B3GALT1: variants seen among roughly 807,000 people sequenced by gnomAD.
B3GALT1 encodes beta-1,3-galactosyltransferase 1.
A neutral mutation model predicts 23.2 loss-of-function variants in B3GALT1; 10 were observed. The ratio of observed to expected loss-of-function variants is 0.43; its 90% confidence interval spans 0.27 to 0.73. B3GALT1 has a LOEUF of 0.73. Ranked by LOEUF, B3GALT1 falls within the 30% of genes least tolerant of loss-of-function variation. B3GALT1 has a pLI of 0.21. For missense variants in B3GALT1, 299 were observed against 405.4 expected (o/e 0.74, Z 2.25); for synonymous variants, 156 against 141.5 (o/e 1.10, Z -0.73).
At chr2:167,834,723 C>T (rs999293909) in intron 4 of B3GALT1, among the ~76,000 whole-genome samples, 13 of 152,132 alleles carry the variant, frequency 8.5e-5, no homozygotes, top group African/African-American at 3.1e-4. Flanking sequence ...GTGCCACACA[C>T]CCGTAATCCC....
intron 1 of B3GALT1, among the ~76,000 whole-genome samples, chr2:167,324,915 C>T (rs1696868625): frequency 6.6e-6 from 1 of 152,138 alleles, no homozygotes; most frequent in Non-Finnish European, 1.5e-5. Flanking sequence ...TCATTCCACT[C>T]TCCACCTCTA....
At chr2:167,599,366 C>A (rs1436824447) in intron 2 of B3GALT1, among the ~76,000 whole-genome samples, 1 of 151,990 alleles carries the variant, frequency 6.6e-6, no homozygotes, top group Non-Finnish European at 1.5e-5. Context: ...ATGAAGATAA[C>A]AAATCCAAAA....
In B3GALT1 at chr2:167,870,723, T is replaced by C. The variant is rs1221159752; in HGVS notation, c.*703T>C. The C allele has an allele frequency of 6.0e-6, 1 of 166,946 alleles. No individual in the cohort carries two copies. The highest frequency in any genetic ancestry group is 1.5e-5 in the Non-Finnish European group (1 of 68,106). 10.3% of individuals were successfully genotyped at this position (166,946 alleles called of 1,614,324 possible). ...AAGATTTTTTTTTTCTTTTTTTTTC[T>C]TTCTTTTTTGTTTTGCTCTTTCAGA... On this transcript the variant is annotated 3_prime_UTR_variant, in exon 5 of 5. Coordinates refer to ENST00000392690, the MANE Select transcript of B3GALT1 (RefSeq NM_020981.4).
At chr2:167,632,965 A>T (rs957870913) in intron 2 of B3GALT1, among the ~76,000 whole-genome samples, 3 of 151,900 alleles carry the variant, frequency 2.0e-5, no homozygotes, top group African/African-American at 7.3e-5. Context: ...TCTTGAGTTA[A>T]TTTTTGTATA....
chr2:167,748,872 A>C (rs1169874018), intron 3 of B3GALT1, among the ~76,000 whole-genome samples: 1 of 152,194 alleles, frequency 6.6e-6, no homozygotes, highest in Non-Finnish European at 1.5e-5. Flanking sequence ...CTCAATAATA[A>C]GTGATGAGAA....
rs369414454 is a variant in B3GALT1 at position 167,837,028 on chromosome 2, A to C, written c.-230+18235A>C. On this transcript the variant is annotated intron_variant, in intron 4 of 4. Coordinates refer to ENST00000392690, the MANE Select transcript of B3GALT1 (RefSeq NM_020981.4). ...GCCCTAAAAGAGCTCCTGAAGGAAG[A>C]ACTAAACATGGAAAGGAACAACCGG... Among the ~76,000 whole-genome samples, 42 of 152,188 alleles carry C rather than the reference A, an allele frequency of 2.8e-4. 1 individual carries two copies. Among genetic ancestry groups the C allele is most frequent in the East Asian group, 3.9e-4 (2 of 5,176 alleles).
chr2:167,324,895 C>T (rs537897997), intron 1 of B3GALT1, among the ~76,000 whole-genome samples: 1 of 152,240 alleles, frequency 6.6e-6, no homozygotes, highest in African/African-American at 2.4e-5. Flanking sequence ...TTCTCAGCCT[C>T]TGGTATCTCT....
At chr2:167,799,644 T>G (rs1195630862) in intron 3 of B3GALT1, among the ~76,000 whole-genome samples, 1 of 152,230 alleles carries the variant, frequency 6.6e-6, no homozygotes, top group East Asian at 1.9e-4. Context: ...ACAGAGAGTT[T>G]GAACAATTGT....
intron 4 of B3GALT1, among the ~76,000 whole-genome samples, chr2:167,859,893 T>C (rs556052846): frequency 1.3e-5 from 2 of 152,324 alleles, no homozygotes; most frequent in African/African-American, 4.8e-5. Flanking sequence ...CCAAGGAGGC[T>C]GACTTAAAGG....
chr2:167,547,360 C>T (rs982946662), intron 2 of B3GALT1, among the ~76,000 whole-genome samples: 1 of 152,128 alleles, frequency 6.6e-6, no homozygotes, highest in Non-Finnish European at 1.5e-5. Flanking sequence ...AAAAAAATTA[C>T]ATTTAGTGAA....
At chr2:167,555,625 G>A (rs1683831669) in intron 2 of B3GALT1, among the ~76,000 whole-genome samples, 1 of 152,140 alleles carries the variant, frequency 6.6e-6, no homozygotes, top group African/African-American at 2.4e-5. Flanking sequence ...TGACAGGGAT[G>A]ACTGTGAAGG....
intron 3 of B3GALT1, among the ~76,000 whole-genome samples, chr2:167,765,072 C>T (rs1044147189): frequency 6.6e-6 from 1 of 152,130 alleles, no homozygotes. Context: ...GTAGGGACTC[C>T]GTCCAGTTCT....
At chr2:167,710,258 C>A (rs182004536) in intron 3 of B3GALT1, among the ~76,000 whole-genome samples, 12 of 152,018 alleles carry the variant, frequency 7.9e-5, no homozygotes, top group African/African-American at 2.4e-4. Context: ...TTTTTTAAAC[C>A]CTGAAGTATC....
chr2:167,486,459 C>A (rs952903781), intron 1 of B3GALT1, among the ~76,000 whole-genome samples: 1 of 151,814 alleles, frequency 6.6e-6, no homozygotes, highest in Non-Finnish European at 1.5e-5. Context: ...CACAGTGGCT[C>A]ATGCCTGCCC....
chr2:167,691,781 A>G (rs1289025383), intron 3 of B3GALT1, among the ~76,000 whole-genome samples: 1 of 152,192 alleles, frequency 6.6e-6, no homozygotes, highest in Non-Finnish European at 1.5e-5. Context: ...CTTAAAAGGC[A>G]TAGATAAAAT....
chr2:167,373,607 A>G (rs890699006), intron 1 of B3GALT1, among the ~76,000 whole-genome samples: 2 of 152,214 alleles, frequency 1.3e-5, no homozygotes, highest in African/African-American at 4.8e-5. Context: ...GAGGAGCTTA[A>G]TATCATGATT....
intron 2 of B3GALT1, among the ~76,000 whole-genome samples, chr2:167,562,667 AATTG>A (rs1370642146): frequency 9.2e-5 from 9 of 98,196 alleles, no homozygotes; most frequent in African/African-American, 2.6e-4. Flanking sequence ...TTTTTTTTTT[AATTG>A]ATCATTCTTG....
intron 1 of B3GALT1, among the ~76,000 whole-genome samples, chr2:167,350,756 C>T (rs533217360): frequency 1.3e-5 from 2 of 152,136 alleles, no homozygotes; most frequent in East Asian, 3.9e-4. Flanking sequence ...GATATAGCCA[C>T]GTGGGACCTA....
chr2:167,762,986 C>G (rs771885155), intron 3 of B3GALT1, among the ~76,000 whole-genome samples: 2 of 152,136 alleles, frequency 1.3e-5, no homozygotes, highest in African/African-American at 2.4e-5. Context: ...GGTGAATAGA[C>G]CTGAAACTCA....
Sources: allele counts gnomAD v4.1 joint callset (sites outside exome capture counted in the v4.1 genomes callset), GRCh38; gene constraint gnomAD v4.1.1; transcripts MANE v1.5; gene names NCBI Gene and HGNC (gene_info 2026-07-23, HGNC 2026-07-21).